The following ARL8A variants were observed in gnomAD, a reference collection of about 807,000 sequenced individuals.
ARL8A encodes the protein ARF like GTPase 8A.
A neutral mutation model predicts 31.2 loss-of-function variants in ARL8A; 10 were observed. The observed-to-expected ratio is 0.32, with a 90% CI of 0.20 to 0.54. ARL8A has a LOEUF of 0.54. Among genes scored for constraint, ARL8A ranks in the 20% least tolerant of loss-of-function variants. The pLI is 0.93. For missense variants in ARL8A, 129 were observed against 242.8 expected (o/e 0.53, Z 3.12); for synonymous variants, 70 against 86.9 (o/e 0.81, Z 1.08).
At chr1:202,142,307 A>T (rs1012556490) in intron 1 of ARL8A, among the ~76,000 whole-genome samples, 1 of 152,284 alleles carries the variant, frequency 6.6e-6, no homozygotes, top group African/African-American at 2.4e-5. Context: ...ATGGCGAAAG[A>T]TCTGAGACAA....
chr1:202,142,244 A>G (rs552540186), intron 1 of ARL8A, among the ~76,000 whole-genome samples: 2 of 152,372 alleles, frequency 1.3e-5, no homozygotes, highest in South Asian at 4.1e-4. Context: ...TAGACACACT[A>G]AACTCAATTT....
In ARL8A at chr1:202,133,889, A is replaced by T. The variant is rs1654930240; in HGVS notation, c.*578T>A. 6.6e-6 allele frequency: 1 copy of T among 152,104 alleles called. No individual in the cohort carries two copies. Among genetic ancestry groups the T allele is most frequent in the Non-Finnish European group, 1.5e-5 (1 of 68,032 alleles). 9.4% of individuals were successfully genotyped at this position (152,104 alleles called of 1,614,324 possible). On this transcript the variant is annotated 3_prime_UTR_variant, in exon 7 of 7. Transcript: ENST00000272217. Reference sequence around the variant, plus strand: ...CAGGACAAGCCAGATTGGGCGGTGGAAACACACGGGACAGGGAGGCGGCCA... The same window carrying T: ...CAGGACAAGCCAGATTGGGCGGTGGTAACACACGGGACAGGGAGGCGGCCA...
chr1:202,143,669 C>T (rs1655223207), intron 1 of ARL8A, among the ~76,000 whole-genome samples: 1 of 152,270 alleles, frequency 6.6e-6, no homozygotes, highest in Non-Finnish European at 1.5e-5. Flanking sequence ...CAATCACCCA[C>T]TTCAGTGTTG....
rs1332857395 is a variant in ARL8A at position 202,135,289 on chromosome 1, G to A, written c.441-69C>T. The A allele has an allele frequency of 3.9e-6, 6 of 1,531,476 alleles. No homozygotes were observed. The highest frequency in any genetic ancestry group is 2.2e-5 in the East Asian group (1 of 44,470). 94.9% of individuals were successfully genotyped at this position (1,531,476 alleles called of 1,614,324 possible). On this transcript the variant is annotated intron_variant, in intron 5 of 6. Transcript: ENST00000272217. This position sits in a 1 kb window ranked among gnomAD's most constrained non-coding sequence, Gnocchi z 5.3. ...AGGGGGCCTGGGGCTAGGGGACAGCGGGGCCTTTTTCTTACCTAAGAGGCT... is the reference window on the plus strand; with the variant it reads ...AGGGGGCCTGGGGCTAGGGGACAGCAGGGCCTTTTTCTTACCTAAGAGGCT...
In ARL8A at chr1:202,135,681, C is replaced by A. The variant is rs760716001; in HGVS notation, c.372+26G>T. The A allele has an allele frequency of 9.3e-6, 15 of 1,607,188 alleles. No individual in the cohort carries two copies. The highest frequency in any genetic ancestry group is 1.1e-5 in the Non-Finnish European group (13 of 1,173,762). On this transcript the variant is annotated intron_variant, in intron 4 of 6. Coordinates refer to ENST00000272217, the MANE Select transcript of ARL8A (RefSeq NM_138795.4). The surrounding 1 kb of genome is among the most constrained non-coding windows in gnomAD (Gnocchi z 5.3). ...TGACTTCCCAGCCGAGCTCCCTCCC[C>A]ATCCCGCTCCCTCAGGTCTGCTGAC... is the stretch of plus-strand genomic sequence containing the variant.
Position 202,134,371 on chromosome 1 carries a change from A to G in ARL8A, c.*96T>C. The stretch of plus-strand genomic sequence containing the variant: ...AGGGCCCTCCTCACACTGGGTGAGG[A>G]GGGGTGGGCTTAGGGGGACGACAGG... On this transcript the variant is annotated 3_prime_UTR_variant, in exon 7 of 7. Transcript: ENST00000272217. This position sits in a 1 kb window ranked among gnomAD's most constrained non-coding sequence, Gnocchi z 4.2. 1 of 1,138,692 alleles carries G rather than the reference A, an allele frequency of 8.8e-7. No homozygotes were observed. The highest frequency in any genetic ancestry group is 1.3e-6 in the Non-Finnish European group (1 of 790,966). The allele number at this position is 1,138,692 out of a possible 1,614,324, so 70.5% of individuals were successfully genotyped here.
intron 3 of ARL8A, among the ~76,000 whole-genome samples, chr1:202,136,504 C>G (rs1359871950): frequency 1.3e-5 from 2 of 152,144 alleles, no homozygotes; most frequent in Non-Finnish European, 2.9e-5. Flanking sequence ...TGGGCTCAAT[C>G]TCCTGACCTT....
At chr1:202,143,659 C>A (rs894988119) in intron 1 of ARL8A, among the ~76,000 whole-genome samples, 5 of 152,250 alleles carry the variant, frequency 3.3e-5, no homozygotes, top group Admixed American at 6.5e-5. Flanking sequence ...GAAAGACTTA[C>A]AATCACCCAC....
chr1:202,143,211 T>A (rs1655207218), intron 1 of ARL8A, among the ~76,000 whole-genome samples: 1 of 152,224 alleles, frequency 6.6e-6, no homozygotes, highest in Non-Finnish European at 1.5e-5. Context: ...AGTGTTCAAT[T>A]GTGTAACCAC....
Position 202,138,323 on chromosome 1 carries a change from ACAC to A in ARL8A, c.204+42_204+44del, listed in dbSNP as rs779339691. ...CACACACACACACACACACACACAC[ACAC>A]AAAAACAGTCCTCTGCACCCCCCAA... On this transcript the variant is annotated intron_variant, in intron 2 of 6. Coordinates refer to ENST00000272217, the MANE Select transcript of ARL8A (RefSeq NM_138795.4). The surrounding 1 kb of genome is among the most constrained non-coding windows in gnomAD (Gnocchi z 4.4). The A allele has an allele frequency of 1.9e-4, 294 of 1,554,832 alleles. 1 individual carries two copies. The highest frequency in any genetic ancestry group is 2.5e-4 in the Non-Finnish European group (278 of 1,128,618).
intron 3 of ARL8A, among the ~76,000 whole-genome samples, chr1:202,137,570 G>T (rs1196422637): frequency 6.6e-6 from 1 of 152,008 alleles, no homozygotes; most frequent in Non-Finnish European, 1.5e-5. Context: ...GGAGGTTGTG[G>T]TGAGCCGAGA....
At chr1:202,140,835 AG>A (rs1325518162) in intron 1 of ARL8A, among the ~76,000 whole-genome samples, 3 of 152,140 alleles carry the variant, frequency 2.0e-5, no homozygotes, top group African/African-American at 7.2e-5. Flanking sequence ...CTGAGGAAGG[AG>A]GCCCAGTTCT....
rs759521117 is a variant in ARL8A at position 202,137,987 on chromosome 1, A to C, written c.256T>G (p.Cys86Gly). The change falls in exon 3 of 7, where the codon TGC becomes GGC. Residue 86 changes from cysteine to glycine, a missense_variant. Cys to Gly is a radical substitution (Grantham distance 159). Coordinates refer to ENST00000272217, the MANE Select transcript of ARL8A (RefSeq NM_138795.4). ...PRFRSMWERY[C>G]RGVSAIVYMV... ...TACACGATGGCGCTCACTCCTCGGC[A>C]GTAGCGCTCCCACATGCTGCGGAAA... 6.2e-7 allele frequency: 1 copy of C among 1,614,136 alleles called. No homozygotes were observed.
chr1:202,135,620 G>A lies in ARL8A; in HGVS notation c.372+87C>T, dbSNP rs555875347. On this transcript the variant is annotated intron_variant, in intron 4 of 6. Transcript: ENST00000272217. This position sits in a 1 kb window ranked among gnomAD's most constrained non-coding sequence, Gnocchi z 5.3. ...GCCTCCTGGGTCCCGTTTCCTCTCT[G>A]CGCCCCTACCATGCCTGGCTTTTAC... 13 of 1,575,472 alleles carry A rather than the reference G, an allele frequency of 8.3e-6. No individual in the cohort carries two copies. The highest frequency in any genetic ancestry group is 4.5e-5 in the East Asian group (2 of 44,622).
rs1553316578 is a variant in ARL8A at position 202,138,326 on chromosome 1, C to CACAA, written c.204+41_204+42insTTGT. 10 of 1,504,298 alleles carry CACAA rather than the reference C, an allele frequency of 6.6e-6. No homozygotes were observed. In the African/African-American group the frequency reaches 1.4e-4, roughly 22 times the overall value. 93.2% of individuals were successfully genotyped at this position (1,504,298 alleles called of 1,614,324 possible). A position where few individuals can be genotyped will look rare whatever the true frequency, so the allele number is the denominator to read the frequency against. On this transcript the variant is annotated intron_variant, in intron 2 of 6. Transcript: ENST00000272217. This position sits in a 1 kb window ranked among gnomAD's most constrained non-coding sequence, Gnocchi z 4.4. ...ACACACACACACACACACACACACA[C>CACAA]AAAAACAGTCCTCTGCACCCCCCAA...
intron 3 of ARL8A, 58 bp downstream of exon 3, chr1:202,137,907 A>T (rs1193774381): frequency 6.3e-7 from 1 of 1,588,396 alleles, no homozygotes; most frequent in Non-Finnish European, 8.6e-7. Context: ...CCTCGAAGGT[A>T]GCAGGGCTAG....
chr1:202,141,600 C>T (rs1655165994), intron 1 of ARL8A, among the ~76,000 whole-genome samples: 1 of 151,112 alleles, frequency 6.6e-6, no homozygotes, highest in Non-Finnish European at 1.5e-5. Context: ...CGAGACTGTA[C>T]CACTGCACTC....
chr1:202,133,668 G>GGCCCTGGGGAGGGGCGGGAGCTGGGA lies in ARL8A; in HGVS notation c.*773_*798dup, dbSNP rs1654923166. 1 of 152,304 alleles carries GGCCCTGGGGAGGGGCGGGAGCTGGGA rather than the reference G, an allele frequency of 6.6e-6. No homozygotes were observed. Among genetic ancestry groups the GGCCCTGGGGAGGGGCGGGAGCTGGGA allele is most frequent in the African/African-American group, 2.4e-5 (1 of 41,464 alleles). 9.4% of individuals were successfully genotyped at this position (152,304 alleles called of 1,614,324 possible). ...AAATGAAGTGGGCCGTGGAGGTGGG[G>GGCCCTGGGGAGGGGCGGGAGCTGGGA]GCCCTGGGGAGGGGCGGGAGCTGGG... On this transcript the variant is annotated 3_prime_UTR_variant, in exon 7 of 7. Transcript: ENST00000272217.
At position 202,144,636 on chromosome 1, in the gene ARL8A, G is replaced by T; in HGVS notation, c.-64C>A. The stretch of plus-strand genomic sequence containing the variant: ...CCGCCCCTCGCTGCCCTCGCGCTGC[G>T]GCCCGGAGCGGCCCCTCCCCGGTAC... On this transcript the variant is annotated 5_prime_UTR_variant, in exon 1 of 7. Coordinates refer to ENST00000272217, the MANE Select transcript of ARL8A (RefSeq NM_138795.4). The surrounding 1 kb of genome is among the most constrained non-coding windows in gnomAD (Gnocchi z 5.2). 8.1e-7 allele frequency: 1 copy of T among 1,228,690 alleles called. No individual in the cohort carries two copies. Among genetic ancestry groups the T allele is most frequent in the Non-Finnish European group, 1.0e-6 (1 of 969,590 alleles). 76.1% of individuals were successfully genotyped at this position (1,228,690 alleles called of 1,614,324 possible). A position where few individuals can be genotyped will look rare whatever the true frequency, so the allele number is the denominator to read the frequency against.
Sources: gnomAD v4.1 joint callset for allele counts (sites outside exome capture counted in the v4.1 genomes callset) on GRCh38, gnomAD v4.1.1 for gene constraint, Gnocchi (gnomAD v3.1) non-coding constraint, MANE v1.5 for transcripts, NCBI Gene and HGNC (gene_info 2026-07-23, HGNC 2026-07-21) for gene names.